SMCHD1: variants seen among roughly 807,000 people sequenced by gnomAD.
SMCHD1 encodes structural maintenance of chromosomes flexible hinge domain-containing protein 1.
In SMCHD1, 78 loss-of-function variants were observed where a neutral mutation model predicts 254.7. That is an observed-to-expected ratio of 0.31 (90% confidence interval 0.26 to 0.37). The LOEUF (loss-of-function observed/expected upper bound fraction) is 0.37. SMCHD1 is among the 10% of genes least tolerant of loss of function. The probability of loss-of-function intolerance (pLI) is 1.00; values close to 1 mark genes in which losing one functional copy is unlikely to be tolerated. For missense variants in SMCHD1, 1,840 were observed against 2,408.1 expected, an observed-to-expected ratio of 0.76 and a Z score of 4.94; for synonymous variants, 766 against 794.9, an observed-to-expected ratio of 0.96 and a Z score of 0.61.
intron 44 of SMCHD1, among the ~76,000 whole-genome samples, chr18:2,783,450 G>A (rs954307931): frequency 5.9e-5 from 9 of 152,072 alleles, no homozygotes; most frequent in African/African-American, 2.2e-4. Flanking sequence ...CCACGTCTCT[G>A]GTTACCAATG....
In SMCHD1 at chr18:2,655,861, C is replaced by A; in HGVS notation, c.-215C>A. ...CAGGAGTGGCGGGCCGCGGAAGTGA[C>A]GTGGTGCACGGGCAGGAGCGCGTTT... On this transcript the variant is annotated 5_prime_UTR_variant, in exon 1 of 48. Coordinates refer to ENST00000320876, the MANE Select transcript of SMCHD1 (RefSeq NM_015295.3). The A allele has an allele frequency of 2.8e-6, 1 of 361,910 alleles. No individual in the cohort carries two copies. 22.4% of individuals were successfully genotyped at this position (361,910 alleles called of 1,614,324 possible). A position where few individuals can be genotyped will look rare whatever the true frequency, so the allele number is the denominator to read the frequency against.
At chr18:2,798,943 C>T (rs2143871150) in intron 47 of SMCHD1, among the ~76,000 whole-genome samples, 1 of 152,290 alleles carries the variant, frequency 6.6e-6, no homozygotes, top group East Asian at 1.9e-4. Context: ...CCAGTTACTA[C>T]AGCGCTACTG....
Position 2,740,789 on chromosome 18 carries a change from C to T in SMCHD1, c.3601C>T (p.Leu1201Phe). The T allele has an allele frequency of 6.2e-7, 1 of 1,608,522 alleles. No individual in the cohort carries two copies. The highest frequency in any genetic ancestry group is 1.7e-5 in the Admixed American group (1 of 59,580). Residue 1201 changes from leucine to phenylalanine, a missense_variant, in exon 28 of 48, where the codon CTT becomes TTT. By Grantham distance (22) the Leu-to-Phe change is conservative (BLOSUM62 0). Coordinates refer to ENST00000320876, the MANE Select transcript of SMCHD1 (RefSeq NM_015295.3). ...TTCTTTGTCAATTGCTGGGGTTGGA[C>T]TTGATAGCTCAAATTTGAAAACAAC... Reference protein sequence around the residue: ...LSSLSIAGVGLDSSNLKTTFQ... With the variant: ...LSSLSIAGVGFDSSNLKTTFQ...
At chr18:2,748,919 A>G (rs28690568) in intron 30 of SMCHD1, among the ~76,000 whole-genome samples, 30,878 of 152,230 alleles carry the variant, frequency 0.2, 3,381 homozygotes, top group South Asian at 0.33. Flanking sequence ...CAGAATCCCA[A>G]CAGGGATTTC....
At chr18:2,715,985 GT>G (rs1451442296) in intron 17 of SMCHD1, among the ~76,000 whole-genome samples, 1 of 152,098 alleles carries the variant, frequency 6.6e-6, no homozygotes. Context: ...AATATTTTCT[GT>G]ATTGTCCTGA....
At chr18:2,736,292 A>T (rs1327397549) in intron 25 of SMCHD1, among the ~76,000 whole-genome samples, 2 of 152,218 alleles carry the variant, frequency 1.3e-5, no homozygotes, top group African/African-American at 2.4e-5. Context: ...TAAAACTTCA[A>T]ACCATAAAAA....
chr18:2,707,400 G>A, intron 15 of SMCHD1, 163 bp from the exon 16 acceptor site: 3 of 410,896 alleles, frequency 7.3e-6, no homozygotes, highest in Non-Finnish European at 1.3e-5. Context: ...GGAATGGTTA[G>A]GGAGGAAAAA....
chr18:2,661,611 A>G (rs2073257010), intron 1 of SMCHD1, among the ~76,000 whole-genome samples: 2 of 152,168 alleles, frequency 1.3e-5, no homozygotes, highest in African/African-American at 4.8e-5. Flanking sequence ...GGTTTTTAAT[A>G]TGGGTTAAAA....
At chr18:2,778,013 C>A in intron 43 of SMCHD1, 98 bp downstream of exon 43, 3 of 1,013,126 alleles carry the variant, frequency 3.0e-6, no homozygotes, top group South Asian at 1.8e-5. Context: ...TCTTATTTTG[C>A]TTATCAGTCA....
chr18:2,781,341 G>T (rs1345742608), intron 44 of SMCHD1, among the ~76,000 whole-genome samples: 1 of 152,206 alleles, frequency 6.6e-6, no homozygotes, highest in Non-Finnish European at 1.5e-5. Flanking sequence ...TCTAATATCT[G>T]TTTGCAATGT....
intron 29 of SMCHD1, among the ~76,000 whole-genome samples, chr18:2,746,787 T>C (rs1007871708): frequency 6.6e-6 from 1 of 152,322 alleles, no homozygotes; most frequent in Non-Finnish European, 1.5e-5. Flanking sequence ...TTGTAAACTT[T>C]TAAAATGTTG....
chr18:2,736,335 G>A (rs1057203479), intron 25 of SMCHD1, among the ~76,000 whole-genome samples: 1 of 152,136 alleles, frequency 6.6e-6, no homozygotes, highest in South Asian at 2.1e-4. Flanking sequence ...TAGCCATTCT[G>A]GATGTCGGCC....
chr18:2,744,030 AC>A lies in SMCHD1; in HGVS notation c.3801+103del, dbSNP rs2075401020. 7.7e-6 allele frequency: 8 copies of A among 1,037,614 alleles called. No individual in the cohort carries two copies. In the South Asian group the frequency reaches 1.7e-4, roughly 22 times the overall value. The allele number at this position is 1,037,614 out of a possible 1,614,324, so 64.3% of individuals were successfully genotyped here. A position where few individuals can be genotyped will look rare whatever the true frequency, so the allele number is the denominator to read the frequency against. ...ATAGATATATTTTGTTGCTGAAGTA[AC>A]AACTAACAGTTGTTAACAGTAAAAA... On this transcript the variant is annotated intron_variant, in intron 29 of 47. Transcript: ENST00000320876.
At chr18:2,674,215 C>G (rs2073688075) in intron 5 of SMCHD1, 70 bp downstream of exon 5, 3 of 1,280,286 alleles carry the variant, frequency 2.3e-6, no homozygotes, top group Admixed American at 3.0e-5. Context: ...AACTGGTATG[C>G]CTTTGGATGC....
rs576140211 is a variant in SMCHD1, at chr18:2,725,830, A to T, written c.2701-622A>T. 1.7e-3 allele frequency among the ~76,000 whole-genome samples: 252 copies of T among 152,046 alleles called. 1 individual carries two copies. The highest frequency in any genetic ancestry group is 5.8e-3 in the African/African-American group (239 of 41,564). ...AACTTACTAAAAATTTCTAGATTTT[A>T]AAAACCTTTTTATTTTGAAATAACT... is the stretch of plus-strand genomic sequence containing the variant. On this transcript the variant is annotated intron_variant, in intron 21 of 47. Transcript: ENST00000320876.
chr18:2,685,565 C>T (rs2074033513), intron 5 of SMCHD1, among the ~76,000 whole-genome samples: 1 of 151,818 alleles, frequency 6.6e-6, no homozygotes, highest in South Asian at 2.1e-4. Context: ...GTTTTTTTAC[C>T]CTGTACCCCC....
intron 8 of SMCHD1, among the ~76,000 whole-genome samples, chr18:2,695,190 C>T (rs569495805): frequency 1.3e-5 from 2 of 152,106 alleles, no homozygotes; most frequent in South Asian, 2.1e-4. Context: ...TACATATGTG[C>T]CTATATGACA....
intron 17 of SMCHD1, among the ~76,000 whole-genome samples, 185 bp from the exon 18 acceptor site, chr18:2,717,973 A>G (rs1380246491): frequency 6.6e-6 from 1 of 152,098 alleles, no homozygotes; most frequent in Non-Finnish European, 1.5e-5. Flanking sequence ...AGAGATTTTA[A>G]TGAATTGAAG....
At chr18:2,785,253 A>G (rs1188238785) in intron 45 of SMCHD1, among the ~76,000 whole-genome samples, 3 of 152,306 alleles carry the variant, frequency 2.0e-5, no homozygotes, top group East Asian at 3.9e-4. Context: ...ATTAATTCTG[A>G]TACACTCAAC....
Sources: gnomAD v4.1 joint callset for allele counts (sites outside exome capture counted in the v4.1 genomes callset) on GRCh38, gnomAD v4.1.1 for gene constraint, MANE v1.5 for transcripts, NCBI Gene and HGNC (gene_info 2026-07-23, HGNC 2026-07-21) for gene names.